B3GALT5: variants seen among roughly 807,000 people sequenced by gnomAD.
The protein encoded by B3GALT5 is beta-1,3-galactosyltransferase 5, also known as UDP-Gal:betaGlcNAc beta 1,3-galactosyltransferase, polypeptide 5.
For missense variants in B3GALT5, 328 were observed against 396.6 expected (o/e 0.83, Z 1.47); for synonymous variants, 156 against 158.6 (o/e 0.98, Z 0.12).
At chr21:39,616,709 A>G (rs2079109036) in intron 1 of B3GALT5, among the ~76,000 whole-genome samples, 1 of 152,128 alleles carries the variant, frequency 6.6e-6, no homozygotes, top group Non-Finnish European at 1.5e-5. Context: ...GGTGTCCTGG[A>G]GATACAGTTT....
At chr21:39,640,861 C>T (rs1432736201) in intron 1 of B3GALT5, among the ~76,000 whole-genome samples, 1 of 151,956 alleles carries the variant, frequency 6.6e-6, no homozygotes, top group African/African-American at 2.4e-5. Flanking sequence ...TGCCTCAGCC[C>T]CCTGAGTAGC....
In B3GALT5 at chr21:39,660,736, C is replaced by T. The variant is rs1441824290; in HGVS notation, c.177C>T (p.Leu59=). The change falls in exon 4 of 4, where the codon CTC becomes CTT. Residue 59 remains leucine (L), a synonymous_variant. Coordinates refer to ENST00000684187, the MANE Select transcript of B3GALT5 (RefSeq NM_001356336.2). ...DTDCRQTPPF[L]VLLVTSSHKQ... ...ACTGCAGGCAGACACCTCCCTTCCT[C>T]GTCCTGCTGGTGACCTCATCCCACA... 1.4e-5 allele frequency: 21 copies of T among 1,546,386 alleles called. No homozygotes were observed. The highest frequency in any genetic ancestry group is 3.8e-5 in the South Asian group (3 of 78,932).
intron 1 of B3GALT5, chr21:39,630,445 C>G (rs2079185858): frequency 6.7e-6 from 1 of 149,840 alleles, no homozygotes; most frequent in Admixed American, 6.6e-5. Context: ...TCCGCCATGC[C>G]CATTACAGTG....
chr21:39,646,751 TAGCTG>T (rs1238902301), intron 2 of B3GALT5, 129 bp downstream of exon 2: 1 of 152,164 alleles, frequency 6.6e-6, no homozygotes, highest in Non-Finnish European at 1.5e-5. Flanking sequence ...AAGGAAGAGT[TAGCTG>T]AGCAGAGAGA....
At chr21:39,657,850 G>A in intron 2 of B3GALT5, 1 of 1,231,752 alleles carries the variant, frequency 8.1e-7, no homozygotes. Flanking sequence ...GTTATTGACT[G>A]GCTGGTCAGG....
chr21:39,637,163 G>A (rs928694020), intron 1 of B3GALT5, among the ~76,000 whole-genome samples: 1 of 152,210 alleles, frequency 6.6e-6, no homozygotes, highest in Non-Finnish European at 1.5e-5. Context: ...GACGTTTTCC[G>A]AGTCCTAAAA....
At chr21:39,660,179 C>A (rs756211868) in intron 3 of B3GALT5, among the ~76,000 whole-genome samples, 1 of 152,180 alleles carries the variant, frequency 6.6e-6, no homozygotes, top group Non-Finnish European at 1.5e-5. Context: ...ATCTACAATG[C>A]GTGGTTTCCA....
chr21:39,637,043 C>A (rs1310065745), intron 1 of B3GALT5, among the ~76,000 whole-genome samples: 1 of 152,166 alleles, frequency 6.6e-6, no homozygotes, highest in East Asian at 1.9e-4. Context: ...AACAGGGGAC[C>A]TGTGCTGTGC....
At chr21:39,645,230 G>A (rs1482575169) in intron 1 of B3GALT5, among the ~76,000 whole-genome samples, 1 of 152,136 alleles carries the variant, frequency 6.6e-6, no homozygotes, top group Non-Finnish European at 1.5e-5. Flanking sequence ...TAAAGGCACA[G>A]TTGCCCTCTT....
intron 1 of B3GALT5, among the ~76,000 whole-genome samples, chr21:39,615,806 C>T (rs1478460403): frequency 1.3e-5 from 2 of 152,196 alleles, no homozygotes; most frequent in Admixed American, 1.3e-4. Flanking sequence ...CAGGTATATA[C>T]ATGCTACTTA....
chr21:39,626,965 C>G (rs1427192711), intron 1 of B3GALT5, among the ~76,000 whole-genome samples: 8 of 152,230 alleles, frequency 5.3e-5, no homozygotes, highest in African/African-American at 1.9e-4. Context: ...TGTTCTCAGG[C>G]TGGACCTAAG....
intron 1 of B3GALT5, among the ~76,000 whole-genome samples, chr21:39,624,545 G>T (rs1221969410): frequency 6.6e-6 from 1 of 152,168 alleles, no homozygotes; most frequent in Non-Finnish European, 1.5e-5. Context: ...AAGAGAAACA[G>T]GTGCCTATTA....
intron 1 of B3GALT5, among the ~76,000 whole-genome samples, chr21:39,629,597 T>C (rs1420361425): frequency 5.9e-5 from 9 of 152,210 alleles, no homozygotes; most frequent in Non-Finnish European, 8.8e-5. Flanking sequence ...AGTCTTTTTC[T>C]TTCTTTCATA....
chr21:39,655,441 G>C (rs2079433477), intron 2 of B3GALT5, among the ~76,000 whole-genome samples: 1 of 152,230 alleles, frequency 6.6e-6, no homozygotes, highest in Admixed American at 6.5e-5. Flanking sequence ...TGGGTGCCGG[G>C]AGGACTTGGG....
At chr21:39,642,805 G>A (rs1428685439) in intron 1 of B3GALT5, among the ~76,000 whole-genome samples, 4 of 151,394 alleles carry the variant, frequency 2.6e-5, no homozygotes, top group African/African-American at 9.7e-5. Flanking sequence ...GGAGGCTGAG[G>A]CAGGATCATG....
chr21:39,631,071 G>C (rs2079189510), intron 1 of B3GALT5, among the ~76,000 whole-genome samples: 1 of 152,180 alleles, frequency 6.6e-6, no homozygotes, highest in South Asian at 2.1e-4. Flanking sequence ...GTACATAGAA[G>C]GCACATTGCA....
intron 1 of B3GALT5, among the ~76,000 whole-genome samples, chr21:39,640,719 T>G (rs2079283307): frequency 1.3e-5 from 2 of 150,838 alleles, no homozygotes; most frequent in African/African-American, 4.9e-5. Context: ...ATGAAGACAG[T>G]TTTAATATTG....
intron 1 of B3GALT5, among the ~76,000 whole-genome samples, chr21:39,633,951 T>C (rs666085): frequency 0.51 from 77,736 of 151,930 alleles, 20,173 homozygotes; most frequent in South Asian, 0.61. Context: ...CATTGGGTGT[T>C]GGCGTCTGTA....
chr21:39,656,034 G>GT (rs1456383289), intron 2 of B3GALT5, among the ~76,000 whole-genome samples: 2 of 152,106 alleles, frequency 1.3e-5, no homozygotes, highest in African/African-American at 2.4e-5. Flanking sequence ...TTCCACTGGC[G>GT]TTTTTTACCA....
Sources: allele counts gnomAD v4.1 joint callset (sites outside exome capture counted in the v4.1 genomes callset), GRCh38; gene constraint gnomAD v4.1.1; transcripts MANE v1.5; gene names NCBI Gene and HGNC (gene_info 2026-07-23, HGNC 2026-07-21).